GMPS: variants seen among roughly 807,000 people sequenced by gnomAD.
GMPS encodes the protein guanosine monophosphate synthase.
GMPS carries 15 observed loss-of-function variants against 77.9 expected under a neutral mutation model. The ratio of observed to expected loss-of-function variants is 0.19; its 90% CI spans 0.13 to 0.30. The LOEUF is 0.30. Among genes scored for constraint, GMPS ranks in the 10% least tolerant of loss-of-function variants. The pLI is 1.00. For missense variants in GMPS, 590 were observed against 838.8 expected (o/e 0.70, Z 3.66); for synonymous variants, 224 against 275.9 (o/e 0.81, Z 1.86).
At chr3:155,924,701 C>T (rs892257645) in intron 11 of GMPS, among the ~76,000 whole-genome samples, 3 of 151,852 alleles carry the variant, frequency 2.0e-5, no homozygotes, top group African/African-American at 7.3e-5. Context: ...ATATTGATAA[C>T]CTATAATTAA....
At chr3:155,922,355 A>G (rs1387383345) in intron 11 of GMPS, 53 bp downstream of exon 11, 8 of 683,452 alleles carry the variant, frequency 1.2e-5, no homozygotes, top group Admixed American at 3.5e-5. Context: ...TTCTTATTAT[A>G]TACCAGCATT....
At position 155,943,422 on chromosome 3, in the gene GMPS, A is replaced by G. The variant is rs1533443; in HGVS notation, c.*5730A>G. 0.063 allele frequency: 11,289 copies of G among 180,096 alleles called. 472 individuals are homozygous for G. Among genetic ancestry groups the G allele is most frequent in the South Asian group, 0.17 (867 of 5,054 alleles). 11.2% of individuals were successfully genotyped at this position (180,096 alleles called of 1,614,324 possible). On this transcript the variant is annotated 3_prime_UTR_variant, in exon 16 of 16. Transcript: ENST00000496455. ...GCAGTATCTTATTCAAGTGGAGTATATATCTTCAAGAATACAGATTTTTAA... is the reference window on the plus strand; with the variant it reads ...GCAGTATCTTATTCAAGTGGAGTATGTATCTTCAAGAATACAGATTTTTAA...
At chr3:155,877,240 T>G (rs768368929) in intron 1 of GMPS, among the ~76,000 whole-genome samples, 6 of 152,226 alleles carry the variant, frequency 3.9e-5, no homozygotes, top group Non-Finnish European at 7.3e-5. Flanking sequence ...TATTTTGATG[T>G]TATTGGTAGC....
chr3:155,870,625 C>T (rs1753878754), upstream of GMPS: 1 of 460,262 alleles, frequency 2.2e-6, no homozygotes, highest in Non-Finnish European at 3.9e-6. Flanking sequence ...AGTGGCCGGC[C>T]GGGGCGGAAG....
intron 5 of GMPS, among the ~76,000 whole-genome samples, chr3:155,907,260 A>G (rs778308709): frequency 1.3e-5 from 2 of 152,180 alleles, no homozygotes; most frequent in Non-Finnish European, 2.9e-5. Context: ...ATTATGTGTC[A>G]TGCACAGTTC....
chr3:155,928,466 A>ACTCT (rs1755512773), intron 12 of GMPS, among the ~76,000 whole-genome samples: 1 of 152,164 alleles, frequency 6.6e-6, no homozygotes, highest in Non-Finnish European at 1.5e-5. Flanking sequence ...AAAAAAGCAA[A>ACTCT]TTACTTGGAT....
intron 6 of GMPS, 60 bp downstream of exon 6, chr3:155,910,945 GT>G: frequency 1.6e-6 from 2 of 1,238,034 alleles, no homozygotes; most frequent in Non-Finnish European, 2.3e-6. Flanking sequence ...GAATCCAGGA[GT>G]TAGAGTCCTC....
intron 11 of GMPS, among the ~76,000 whole-genome samples, 180 bp downstream of exon 11, chr3:155,922,482 A>C (rs1755343586): frequency 6.6e-6 from 1 of 152,206 alleles, no homozygotes; most frequent in Non-Finnish European, 1.5e-5. Context: ...CTTTCCAGCC[A>C]AACAAGACTG....
At chr3:155,937,530 C>T in intron 15 of GMPS, 61 bp from the exon 16 acceptor site, 1 of 732,552 alleles carries the variant, frequency 1.4e-6, no homozygotes, top group Admixed American at 2.2e-5. Context: ...CAAATGTAAG[C>T]CCTCTAGGAC....
In GMPS at chr3:155,875,044, G is replaced by A. The variant is rs909766439; in HGVS notation, c.27+4147G>A. Among the ~76,000 whole-genome samples, 8 of 150,240 alleles carry A rather than the reference G, an allele frequency of 5.3e-5. No individual in the cohort carries two copies. The South Asian group carries it at 6.3e-4, about 12-fold the overall frequency. On this transcript the variant is annotated intron_variant, in intron 1 of 15. Coordinates refer to ENST00000496455, the MANE Select transcript of GMPS (RefSeq NM_003875.3). ...TGTGATCCTTGTACCTCAGCCACCCGAGTAGCTGGGATTACAGGCGTGTGC... is the reference window on the plus strand; with the variant it reads ...TGTGATCCTTGTACCTCAGCCACCCAAGTAGCTGGGATTACAGGCGTGTGC...
intron 1 of GMPS, among the ~76,000 whole-genome samples, chr3:155,878,765 G>C (rs192740134): frequency 6.6e-6 from 1 of 152,156 alleles, no homozygotes; most frequent in Admixed American, 6.5e-5. Context: ...GAAGTCCCAC[G>C]ATAGACTGTC....
chr3:155,882,584 G>C (rs986486560), intron 1 of GMPS, among the ~76,000 whole-genome samples: 4 of 152,206 alleles, frequency 2.6e-5, no homozygotes, highest in African/African-American at 9.6e-5. Context: ...AACATTTCCA[G>C]TACTGAGGAC....
chr3:155,899,144 G>A (rs970502445), intron 3 of GMPS, among the ~76,000 whole-genome samples: 4 of 152,116 alleles, frequency 2.6e-5, no homozygotes, highest in African/African-American at 7.2e-5. Context: ...GAGGCGGGTG[G>A]ATCACCTGAG....
rs750517133 is a variant in GMPS at position 155,914,517 on chromosome 3, A to G, written c.985A>G (p.Met329Val). 2 of 1,605,946 alleles carry G rather than the reference A, an allele frequency of 1.2e-6. No individual in the cohort carries two copies. The highest frequency in any genetic ancestry group is 1.3e-5 in the African/African-American group (1 of 74,478). ...GAAAAGAATTAGCAAAACGTTAAAT[A>G]TGACCACAAGTCCTGAAGAGAAAAG... ...PRKRISKTLN[M>V]TTSPEEKRKI... Residue 329 changes from methionine (M) to valine (V), a missense_variant, in exon 8 of 16, where the codon ATG becomes GTG. This residue lies in a region of GMPS where 181 missense variants were observed against 186.8 expected (regional missense o/e 0.97). Transcript: ENST00000496455.
At chr3:155,871,805 G>A (rs1386682971) in intron 1 of GMPS, among the ~76,000 whole-genome samples, 2 of 152,228 alleles carry the variant, frequency 1.3e-5, no homozygotes, top group African/African-American at 4.8e-5. Context: ...GGGAGAGCAC[G>A]TTTGACCGCT....
intron 1 of GMPS, among the ~76,000 whole-genome samples, chr3:155,885,966 A>T (rs1429501759): frequency 6.6e-6 from 1 of 152,048 alleles, no homozygotes; most frequent in Non-Finnish European, 1.5e-5. Context: ...GATTACAGAC[A>T]TGTGCTACCA....
intron 3 of GMPS, among the ~76,000 whole-genome samples, chr3:155,902,109 T>C (rs1170198795): frequency 6.6e-6 from 1 of 152,200 alleles, no homozygotes; most frequent in Non-Finnish European, 1.5e-5. Flanking sequence ...AGTTAGAACC[T>C]TGGGGTTTAT....
intron 3 of GMPS, among the ~76,000 whole-genome samples, chr3:155,899,139 G>A (rs1024299837): frequency 1.3e-5 from 2 of 152,030 alleles, no homozygotes; most frequent in African/African-American, 2.4e-5. Context: ...AGGCCGAGGC[G>A]GGTGGATCAC....
At position 155,893,678 on chromosome 3, in the gene GMPS, C is replaced by T; in HGVS notation, c.188C>T (p.Ala63Val). The T allele has an allele frequency of 6.2e-7, 1 of 1,604,182 alleles. No individual in the cohort carries two copies. The change falls in exon 2 of 16, where the codon GCT becomes GTT. Residue 63 changes from alanine to valine, a missense_variant. Ala to Val is a moderately conservative substitution (Grantham distance 64). Coordinates refer to ENST00000496455, the MANE Select transcript of GMPS (RefSeq NM_003875.3). Reference protein sequence around the residue: ...EIFPLETPAFAIKEQGFRAII... With the variant: ...EIFPLETPAFVIKEQGFRAII... The stretch of plus-strand genomic sequence containing the variant: ...TTCCCCTTGGAAACACCAGCATTTG[C>T]TATAAAGGAACAAGGATTCCGGTAG...
Sources: allele counts gnomAD v4.1 joint callset (sites outside exome capture counted in the v4.1 genomes callset), GRCh38; gene constraint gnomAD v4.1.1; regional missense constraint gnomAD v4.1.1; transcripts MANE v1.5; gene names NCBI Gene and HGNC (gene_info 2026-07-23, HGNC 2026-07-21).